PRIM2: variants seen among roughly 807,000 people sequenced by gnomAD.
The protein encoded by PRIM2 is DNA primase subunit 2.
In PRIM2, 39 loss-of-function variants were observed where a neutral mutation model predicts 67.3. That is an observed-to-expected ratio of 0.58 (90% CI 0.45 to 0.76). The LOEUF is 0.76. PRIM2 is among the 30% of genes least tolerant of loss of function. PRIM2 has a pLI of 0.00. For missense variants in PRIM2, 398 were observed against 598.7 expected (o/e 0.66, Z 3.50); for synonymous variants, 143 against 198.7 (o/e 0.72, Z 2.36).
At chr6:57,452,860 C>G (rs1254900199) in intron 7 of PRIM2, among the ~76,000 whole-genome samples, 2 of 152,186 alleles carry the variant, frequency 1.3e-5, no homozygotes, top group African/African-American at 4.8e-5. Context: ...AGTCCTTGCC[C>G]TTACCTATGT....
chr6:57,605,239 T>TC (rs1776538770), intron 11 of PRIM2, among the ~76,000 whole-genome samples: 1 of 152,222 alleles, frequency 6.6e-6, no homozygotes, highest in African/African-American at 2.4e-5. Context: ...TTTCTTTTTT[T>TC]CATTGTGTCT....
At chr6:57,350,923 A>G (rs1275519910) in intron 5 of PRIM2, among the ~76,000 whole-genome samples, 2 of 151,814 alleles carry the variant, frequency 1.3e-5, no homozygotes, top group Non-Finnish European at 2.9e-5. Context: ...CTGGTTTTAC[A>G]TTTTTACTAA....
In PRIM2 at chr6:57,646,487, G is replaced by T; in HGVS notation, c.*329G>T. The T allele has an allele frequency of 4.7e-6, 1 of 213,892 alleles. No individual in the cohort carries two copies. Among genetic ancestry groups the T allele is most frequent in the Non-Finnish European group, 9.1e-6 (1 of 109,582 alleles). 13.2% of individuals were successfully genotyped at this position (213,892 alleles called of 1,614,324 possible). A position where few individuals can be genotyped will look rare whatever the true frequency, so the allele number is the denominator to read the frequency against. Reference sequence around the variant, plus strand: ...CAGCGTCCCAGAGTGCTGGGATTACGGTTGTGAGCCACTGTGCCTGGCCTT... The same window carrying T: ...CAGCGTCCCAGAGTGCTGGGATTACTGTTGTGAGCCACTGTGCCTGGCCTT... On this transcript the variant is annotated 3_prime_UTR_variant, in exon 14 of 14. Coordinates refer to ENST00000615550, the MANE Select transcript of PRIM2 (RefSeq NM_000947.5).
chr6:57,376,806 G>A (rs1376361934), intron 5 of PRIM2, among the ~76,000 whole-genome samples: 16 of 152,152 alleles, frequency 1.1e-4, no homozygotes, highest in Admixed American at 6.5e-5. Context: ...TTTTAATTCT[G>A]TTGTAAATTG....
At chr6:57,539,810 A>G (rs1288119751) in intron 10 of PRIM2, among the ~76,000 whole-genome samples, 1 of 152,060 alleles carries the variant, frequency 6.6e-6, no homozygotes, top group Non-Finnish European at 1.5e-5. Context: ...CCTGGCCAAC[A>G]TGGTGAAATA....
chr6:57,324,917 A>C (rs1767794823), intron 4 of PRIM2, among the ~76,000 whole-genome samples: 1 of 152,240 alleles, frequency 6.6e-6, no homozygotes, highest in South Asian at 2.1e-4. Context: ...TTGGTTCTAG[A>C]GTTTTTCTTC....
intron 1 of PRIM2, among the ~76,000 whole-genome samples, chr6:57,318,158 A>C (rs924869812): frequency 1.3e-5 from 2 of 152,232 alleles, no homozygotes; most frequent in Non-Finnish European, 2.9e-5. Flanking sequence ...ATGAGCAGGC[A>C]ACATCACCTG....
intron 7 of PRIM2, among the ~76,000 whole-genome samples, chr6:57,384,505 C>T (rs1770069157): frequency 6.6e-6 from 1 of 152,128 alleles, no homozygotes; most frequent in South Asian, 2.1e-4. Flanking sequence ...TTCTGAGGTA[C>T]TGGGGGTTAG....
At chr6:57,581,089 G>A (rs1319037155) in intron 10 of PRIM2, among the ~76,000 whole-genome samples, 30 of 152,060 alleles carry the variant, frequency 2.0e-4, no homozygotes, top group Admixed American at 2.0e-3. Context: ...CATAATTCTT[G>A]TTTCTGTGAA....
intron 12 of PRIM2, among the ~76,000 whole-genome samples, chr6:57,623,896 G>A (rs1379743054): frequency 6.6e-6 from 1 of 152,082 alleles, no homozygotes; most frequent in Non-Finnish European, 1.5e-5. Context: ...TTAAGTGACA[G>A]ATTTTAACAT....
intron 10 of PRIM2, among the ~76,000 whole-genome samples, chr6:57,549,912 C>T (rs1257107082): frequency 6.6e-6 from 1 of 152,016 alleles, no homozygotes; most frequent in Non-Finnish European, 1.5e-5. Flanking sequence ...ATGGAGAAAC[C>T]CTGTCTCTAC....
At position 57,606,557 on chromosome 6, in the gene PRIM2, C is replaced by G. The variant is rs2127492987; in HGVS notation, c.1230+100C>G. ...TGCAGTGATGCTGTGTACTACTTGT[C>G]AGGCCTCACACCAGACATCTTATCT... On this transcript the variant is annotated intron_variant, in intron 12 of 13. Transcript: ENST00000615550. The G allele has an allele frequency of 3.5e-5, 28 of 802,684 alleles. No individual in the cohort carries two copies. The East Asian group carries it at 7.1e-4, about 20-fold the overall frequency. 49.7% of individuals were successfully genotyped at this position (802,684 alleles called of 1,614,324 possible).
the PRIM2 span, among the ~76,000 whole-genome samples, chr6:57,295,170 CTT>C: frequency 4.6e-5 from 7 of 152,254 alleles, no homozygotes; most frequent in East Asian, 1.9e-4. Flanking sequence ...GAAGAAACCT[CTT>C]TGTTTTAAAA....
At chr6:57,357,218 C>A (rs1339494853) in intron 5 of PRIM2, among the ~76,000 whole-genome samples, 1 of 152,198 alleles carries the variant, frequency 6.6e-6, no homozygotes, top group Non-Finnish European at 1.5e-5. Flanking sequence ...AGGAGTGAGC[C>A]ACCGTGCCGG....
chr6:57,606,514 G>A (rs1776565633), intron 12 of PRIM2, 57 bp downstream of exon 12: 10 of 1,379,072 alleles, frequency 7.3e-6, no homozygotes, highest in Admixed American at 5.7e-5. Context: ...TAGATCTCTC[G>A]GTTTTATTTA....
the PRIM2 span, among the ~76,000 whole-genome samples, chr6:57,270,177 G>C: frequency 6.6e-6 from 1 of 151,964 alleles, no homozygotes; most frequent in East Asian, 1.9e-4. Context: ...GAAAGTCATT[G>C]GTAGCTTGAT....
intron 5 of PRIM2, among the ~76,000 whole-genome samples, chr6:57,354,522 T>A (rs1768965551): frequency 6.6e-6 from 1 of 152,038 alleles, no homozygotes; most frequent in South Asian, 2.1e-4. Context: ...TTTCACCTTC[T>A]TAAACCTAAG....
intron 7 of PRIM2, among the ~76,000 whole-genome samples, chr6:57,479,785 T>A (rs1773570667): frequency 6.6e-6 from 1 of 152,242 alleles, no homozygotes. Flanking sequence ...GTTGTTTGCT[T>A]ATCTGTAAAC....
chr6:57,295,178 TA>T, the PRIM2 span, among the ~76,000 whole-genome samples: 4 of 152,192 alleles, frequency 2.6e-5, no homozygotes, highest in Non-Finnish European at 5.9e-5. Context: ...CTCTTTGTTT[TA>T]AAAAACTTCA....
Sources: allele counts gnomAD v4.1 joint callset (sites outside exome capture counted in the v4.1 genomes callset), GRCh38; gene constraint gnomAD v4.1.1; transcripts MANE v1.5; gene names NCBI Gene and HGNC (gene_info 2026-07-23, HGNC 2026-07-21).